Variants in IL4I1 observed in about 807,000 individuals in gnomAD.
IL4I1 encodes the protein interleukin 4 induced 1.
IL4I1 carries 24 observed loss-of-function variants against 29.7 expected under a neutral mutation model. The ratio of observed to expected loss-of-function variants is 0.81; its 90% CI spans 0.59 to 1.14. The LOEUF (loss-of-function observed/expected upper bound fraction) is 1.14, where lower values mean the gene tolerates loss of function less well. Among genes scored for constraint, IL4I1 ranks in the 50% most tolerant of loss-of-function variants. The pLI is 0.00. For missense variants in IL4I1, 686 were observed against 785.6 expected (o/e 0.87, Z 1.52); for synonymous variants, 371 against 352.5 (o/e 1.05, Z -0.59).
At chr19:49,894,950 A>C in intron 4 of IL4I1, 118 bp downstream of exon 4, 1 of 734,620 alleles carries the variant, frequency 1.4e-6, no homozygotes, top group Non-Finnish European at 2.3e-6. Flanking sequence ...TAGGCGAAGG[A>C]TGGGGTTGGA....
chr19:49,909,845 C>A, intron 2 of IL4I1: 1 of 1,602,228 alleles, frequency 6.2e-7, no homozygotes, highest in South Asian at 1.1e-5. Context: ...CTCTGGCTCC[C>A]AAAGCAAATC....
chr19:49,908,531 G>A (rs755458660), intron 2 of IL4I1: 10 of 1,614,026 alleles, frequency 6.2e-6, no homozygotes, highest in South Asian at 2.2e-5. Flanking sequence ...CTCCTCATCC[G>A]CGTGCTGCAG....
At chr19:49,903,013 G>A (rs2075284272) in intron 3 of IL4I1, among the ~76,000 whole-genome samples, 11 of 151,990 alleles carry the variant, frequency 7.2e-5, no homozygotes, top group Admixed American at 5.9e-4. Context: ...TACTCAGGAG[G>A]CTGAGGCAGG....
chr19:49,897,344 C>A (rs2075223616), upstream of IL4I1, among the ~76,000 whole-genome samples: 1 of 152,190 alleles, frequency 6.6e-6, no homozygotes, highest in African/African-American at 2.4e-5. Context: ...TCTCCACTTG[C>A]CACCCAGAGC....
intron 1 of IL4I1, 51 bp downstream of exon 1, chr19:49,896,784 A>C: frequency 3.1e-6 from 3 of 967,620 alleles, no homozygotes; most frequent in Non-Finnish European, 3.7e-6. Context: ...CTCAGTCCCT[A>C]TTTCTGTGGG....
intron 2 of IL4I1, among the ~76,000 whole-genome samples, chr19:49,905,700 G>A (rs955662864): frequency 1.3e-5 from 2 of 152,092 alleles, no homozygotes; most frequent in Admixed American, 6.6e-5. Flanking sequence ...GGGTTCAAGC[G>A]ATTCTCCTGC....
intron 2 of IL4I1, among the ~76,000 whole-genome samples, chr19:49,919,020 G>A (rs1269343562): frequency 6.6e-6 from 1 of 151,984 alleles, no homozygotes; most frequent in Non-Finnish European, 1.5e-5. Flanking sequence ...AGGTATGGTG[G>A]TGCATGCCTG....
chr19:49,909,282 C>A (rs745811720), intron 2 of IL4I1: 1 of 1,614,102 alleles, frequency 6.2e-7, no homozygotes, highest in Admixed American at 1.7e-5. Flanking sequence ...GAATTCCCTG[C>A]TGAGCCAATG....
intron 5 of IL4I1, among the ~76,000 whole-genome samples, chr19:49,891,746 G>A (rs986772945): frequency 3.3e-5 from 5 of 152,218 alleles, no homozygotes; most frequent in Non-Finnish European, 7.3e-5. Flanking sequence ...TCCCGGTTGC[G>A]TGTTATTTTG....
chr19:49,910,159 C>T (rs1216280012), intron 2 of IL4I1, among the ~76,000 whole-genome samples: 2 of 152,016 alleles, frequency 1.3e-5, no homozygotes, highest in South Asian at 2.1e-4. Context: ...GAGAACAGGA[C>T]CTTGGACCCA....
chr19:49,899,950 T>A (rs1378106218), upstream of IL4I1, among the ~76,000 whole-genome samples: 1 of 152,102 alleles, frequency 6.6e-6, no homozygotes, highest in Non-Finnish European at 1.5e-5. Context: ...TCCTCCAGCC[T>A]CAGTCTCTCG....
rs369515484 is a variant in IL4I1, at chr19:49,906,434, A to G, written c.-227-2113T>C. Among the ~76,000 whole-genome samples the G allele has an allele frequency of 4.9e-4, 75 of 152,216 alleles. 3 individuals carry two copies. The South Asian group carries it at 0.011, about 23-fold the overall frequency. On this transcript the variant is annotated intron_variant, in intron 2 of 9. Coordinates refer to the IL4I1 transcript ENST00000341114. ...ACCATGTTGCCCAGGCTGGTCTTGA[A>G]TCCCTGACCTCAAGTGATCTGCCCA...
intron 2 of IL4I1, chr19:49,918,757 C>G (rs891560724): frequency 6.6e-6 from 1 of 152,132 alleles, no homozygotes; most frequent in Admixed American, 6.6e-5. Context: ...GTTTCAATGC[C>G]TAAATGTTCC....
rs1220414851 is a variant in IL4I1 at position 49,889,779 on chromosome 19, C to T, written c.1595G>A (p.Gly532Glu). The T allele has an allele frequency of 1.3e-6, 2 of 1,533,806 alleles. No individual in the cohort carries two copies. The highest frequency in any genetic ancestry group is 2.8e-5 in the African/African-American group (2 of 72,272). Reference sequence around the variant, plus strand: ...GTCATGCGAGGGGCTGCTGGCCACCCCATGCACATGCCCCTGCCCCTCCAT... The same window carrying T: ...GTCATGCGAGGGGCTGCTGGCCACCTCATGCACATGCCCCTGCCCCTCCAT... ...SDMEGQGHVH[G>E]VASSPSHDLA... The change falls in exon 8 of 8, where the codon GGG (glycine) becomes GAG (glutamate). Residue 532 changes from glycine to glutamate, a missense_variant. Coordinates refer to ENST00000391826, the MANE Select transcript of IL4I1 (RefSeq NM_152899.2).
At chr19:49,898,487 A>T (rs1421269632), upstream of IL4I1, among the ~76,000 whole-genome samples, 1 of 152,212 alleles carries the variant, frequency 6.6e-6, no homozygotes, top group Non-Finnish European at 1.5e-5. Context: ...AAAGAAAAAA[A>T]TAGTGACAAA....
chr19:49,911,766 G>A (rs1269971342), intron 2 of IL4I1, among the ~76,000 whole-genome samples: 1 of 152,226 alleles, frequency 6.6e-6, no homozygotes, highest in East Asian at 1.9e-4. Flanking sequence ...CACTAAGCCA[G>A]TCTCTCCGGG....
intron 2 of IL4I1, among the ~76,000 whole-genome samples, chr19:49,906,366 G>A (rs534843348): frequency 5.3e-5 from 8 of 152,036 alleles, no homozygotes; most frequent in Non-Finnish European, 8.8e-5. Context: ...GTGCCACCAC[G>A]CACAACCAAA....
intron 2 of IL4I1, chr19:49,909,264 G>C (rs749148238): frequency 1.2e-6 from 2 of 1,614,114 alleles, no homozygotes; most frequent in Non-Finnish European, 1.7e-6. Context: ...GGTGCCGTGG[G>C]CTGGGCTGAA....
chr19:49,922,039 G>A (rs946211442), intron 2 of IL4I1, among the ~76,000 whole-genome samples: 6 of 152,154 alleles, frequency 3.9e-5, no homozygotes, highest in Non-Finnish European at 7.3e-5. Context: ...CCTGAATCAC[G>A]CCTCAACACA....
Sources: allele counts gnomAD v4.1 joint callset (sites outside exome capture counted in the v4.1 genomes callset), GRCh38; gene constraint gnomAD v4.1.1; transcripts MANE v1.5; gene names NCBI Gene and HGNC (gene_info 2026-07-23, HGNC 2026-07-21).